The following NUP133 variants were observed in gnomAD, a reference collection of about 807,000 sequenced individuals.
NUP133 encodes the protein nucleoporin 133.
A neutral mutation model predicts 146.2 loss-of-function variants in NUP133; 66 were observed. That is an observed-to-expected ratio of 0.45 (90% CI 0.37 to 0.55). The LOEUF (loss-of-function observed/expected upper bound fraction) is 0.55, where lower values mean the gene tolerates loss of function less well. NUP133 is among the 20% of genes least tolerant of loss of function. The pLI is 0.00. For synonymous variants in NUP133, 521 were observed against 498.8 expected (o/e 1.04, Z -0.59); for missense variants, 1,277 against 1,374.8 (o/e 0.93, Z 1.12).
intron 12 of NUP133, among the ~76,000 whole-genome samples, chr1:229,482,502 G>A (rs1375844461): frequency 6.6e-6 from 1 of 152,212 alleles, no homozygotes; most frequent in African/African-American, 2.4e-5. Flanking sequence ...AAGGGGCAGA[G>A]CAGGGGGGCT....
chr1:229,459,003 TA>T (rs1329204866), intron 20 of NUP133, among the ~76,000 whole-genome samples: 1 of 152,146 alleles, frequency 6.6e-6, no homozygotes, highest in African/African-American at 2.4e-5. Context: ...CTTTTAAATT[TA>T]AAAAAATTAT....
At chr1:229,487,427 T>C (rs968517955) in intron 10 of NUP133, 39 bp downstream of exon 10, 4 of 1,590,242 alleles carry the variant, frequency 2.5e-6, no homozygotes, top group Non-Finnish European at 3.4e-6. Flanking sequence ...GAATGACTAA[T>C]GAGCTCACCA....
At chr1:229,452,726 C>G (rs1660481852) in intron 21 of NUP133, 83 bp from the exon 22 acceptor site, 1 of 1,037,792 alleles carries the variant, frequency 9.6e-7, no homozygotes, top group Non-Finnish European at 1.4e-6. Context: ...TAAAACAAAT[C>G]TGAATTTTAA....
chr1:229,502,576 A>AG (rs1460815851), intron 2 of NUP133, among the ~76,000 whole-genome samples: 20 of 151,480 alleles, frequency 1.3e-4, no homozygotes, highest in African/African-American at 4.6e-4. Context: ...AAAAAAAAAA[A>AG]AAAAGAAAGA....
intron 6 of NUP133, among the ~76,000 whole-genome samples, chr1:229,496,652 T>C (rs374531220): frequency 2.0e-5 from 3 of 152,080 alleles, no homozygotes; most frequent in African/African-American, 2.4e-5. Context: ...GGAATGTAGA[T>C]GACAAGTAGA....
intron 25 of NUP133, among the ~76,000 whole-genome samples, chr1:229,443,433 T>C (rs1461472921): frequency 6.6e-6 from 1 of 152,218 alleles, no homozygotes; most frequent in African/African-American, 2.4e-5. Context: ...ATGCATTTTG[T>C]TCTGTATGTA....
chr1:229,491,924 A>G (rs1465676720), intron 8 of NUP133, among the ~76,000 whole-genome samples: 3 of 152,218 alleles, frequency 2.0e-5, no homozygotes, highest in Admixed American at 6.5e-5. Context: ...AAACAAACAT[A>G]TATATTTAAA....
intron 15 of NUP133, among the ~76,000 whole-genome samples, chr1:229,467,883 T>C (rs1025915183): frequency 4.8e-5 from 7 of 145,628 alleles, no homozygotes; most frequent in Non-Finnish European, 8.9e-5. Context: ...AGAGATTGTG[T>C]CACTGCACTC....
intron 10 of NUP133, among the ~76,000 whole-genome samples, 180 bp from the exon 11 acceptor site, chr1:229,486,708 T>G (rs755782615): frequency 6.6e-6 from 1 of 152,172 alleles, no homozygotes; most frequent in African/African-American, 2.4e-5. Flanking sequence ...TAAGAACCGG[T>G]TGCTATCTGA....
At chr1:229,473,905 T>C (rs546415963) in intron 14 of NUP133, among the ~76,000 whole-genome samples, 87 of 139,034 alleles carry the variant, frequency 6.3e-4, no homozygotes, top group African/African-American at 2.4e-3. Flanking sequence ...GCCTGGGCGA[T>C]GGGAGTGAAA....
At chr1:229,475,114 AAATAAATAAAAC>A (rs1032769641) in intron 14 of NUP133, among the ~76,000 whole-genome samples, 1 of 151,886 alleles carries the variant, frequency 6.6e-6, no homozygotes, top group African/African-American at 2.4e-5. Flanking sequence ...ATAAATAAAT[AAATAAATAAAAC>A]AAACAAACAA....
intron 2 of NUP133, among the ~76,000 whole-genome samples, 156 bp downstream of exon 2, chr1:229,505,884 T>C (rs1661922055): frequency 6.6e-6 from 1 of 151,940 alleles, no homozygotes; most frequent in Non-Finnish European, 1.5e-5. Flanking sequence ...TGAGACTCTG[T>C]CTCGAAAAAA....
At chr1:229,496,496 C>T (rs1013917491) in intron 6 of NUP133, among the ~76,000 whole-genome samples, 3 of 151,852 alleles carry the variant, frequency 2.0e-5, no homozygotes, top group African/African-American at 7.3e-5. Context: ...CAAAACAAAC[C>T]AGAAATGAGT....
At chr1:229,507,907 A>G in intron 1 of NUP133, 161 bp downstream of exon 1, 5 of 985,248 alleles carry the variant, frequency 5.1e-6, no homozygotes, top group Non-Finnish European at 6.0e-6. Flanking sequence ...ATCAAAACGA[A>G]GCAGATACTA....
At chr1:229,447,251 TATTAA>T (rs1056873434) in intron 24 of NUP133, among the ~76,000 whole-genome samples, 3 of 152,370 alleles carry the variant, frequency 2.0e-5, no homozygotes, top group African/African-American at 7.2e-5. Context: ...TATTCTTAAC[TATTAA>T]AATAGAGAAG....
In NUP133 at chr1:229,440,747, C is replaced by T. The variant is rs2102741490; in HGVS notation, c.*1157G>A. 6.6e-6 allele frequency: 1 copy of T among 152,478 alleles called. No homozygotes were observed. The highest frequency in any genetic ancestry group is 1.9e-4 in the East Asian group (1 of 5,194). 9.4% of individuals were successfully genotyped at this position (152,478 alleles called of 1,614,324 possible). A position where few individuals can be genotyped will look rare whatever the true frequency, so the allele number is the denominator to read the frequency against. On this transcript the variant is annotated 3_prime_UTR_variant, in exon 26 of 26. Transcript: ENST00000261396. Reference sequence around the variant, plus strand: ...TAATGCTGTCCTAACATACAAGCTGCAAAGAGAAAAAGAACAGGCTGCTAA... The same window carrying T: ...TAATGCTGTCCTAACATACAAGCTGTAAAGAGAAAAAGAACAGGCTGCTAA...
intron 12 of NUP133, among the ~76,000 whole-genome samples, chr1:229,481,271 G>C (rs1044687634): frequency 7.9e-5 from 12 of 152,078 alleles, no homozygotes; most frequent in African/African-American, 2.7e-4. Flanking sequence ...ATCTTAAGAT[G>C]ACTACACCAG....
chr1:229,456,435 G>C (rs886712578), intron 21 of NUP133, among the ~76,000 whole-genome samples: 37 of 152,126 alleles, frequency 2.4e-4, no homozygotes, highest in Middle Eastern at 6.8e-3. Context: ...GAATTTTTTT[G>C]TCTTATAAAC....
intron 2 of NUP133, among the ~76,000 whole-genome samples, chr1:229,502,768 C>T (rs972931717): frequency 6.7e-6 from 1 of 149,620 alleles, no homozygotes; most frequent in African/African-American, 2.5e-5. Flanking sequence ...TTGAGGCCAG[C>T]CTGGGCAACA....
Sources: gnomAD v4.1 joint callset for allele counts (sites outside exome capture counted in the v4.1 genomes callset) on GRCh38, gnomAD v4.1.1 for gene constraint, MANE v1.5 for transcripts, NCBI Gene and HGNC (gene_info 2026-07-23, HGNC 2026-07-21) for gene names.